KCNH8: variants seen among roughly 807,000 people sequenced by gnomAD.
The protein encoded by KCNH8 is voltage-gated delayed rectifier potassium channel KCNH8.
A neutral mutation model predicts 103.6 loss-of-function variants in KCNH8; 70 were observed. The ratio of observed to expected loss-of-function variants is 0.68; its 90% CI spans 0.56 to 0.82. KCNH8 has a LOEUF of 0.82. Ranked by LOEUF, KCNH8 falls within the 40% of genes least tolerant of loss-of-function variation. The probability of loss-of-function intolerance (pLI) is 0.00; values close to 1 mark genes in which losing one functional copy is unlikely to be tolerated. For synonymous variants in KCNH8, 498 were observed against 489.4 expected (o/e 1.02, Z -0.23); for missense variants, 1,217 against 1,329.9 (o/e 0.92, Z 1.32).
intron 1 of KCNH8, among the ~76,000 whole-genome samples, chr3:19,165,600 A>G (rs112502825): frequency 7.5e-4 from 115 of 152,338 alleles, no homozygotes; most frequent in African/African-American, 2.5e-3. Flanking sequence ...CAAGAGAGGT[A>G]AATTCCTGAG....
At chr3:19,218,856 A>G (rs1427143996) in intron 1 of KCNH8, among the ~76,000 whole-genome samples, 1 of 152,134 alleles carries the variant, frequency 6.6e-6, no homozygotes, top group Non-Finnish European at 1.5e-5. Context: ...GAGTATGTCT[A>G]TCTCTGTGTC....
At chr3:19,496,480 C>A (rs543518232) in intron 11 of KCNH8, among the ~76,000 whole-genome samples, 1 of 151,832 alleles carries the variant, frequency 6.6e-6, no homozygotes, top group African/African-American at 2.4e-5. Context: ...GTTCTCTTTA[C>A]GTGATGAATC....
chr3:19,424,338 C>G (rs2066994273), intron 7 of KCNH8, among the ~76,000 whole-genome samples: 1 of 151,994 alleles, frequency 6.6e-6, no homozygotes. Flanking sequence ...TTCAACAAAG[C>G]AAACAAAAAT....
intron 2 of KCNH8, 93 bp from the exon 3 acceptor site, chr3:19,281,105 C>T: frequency 7.3e-7 from 1 of 1,366,870 alleles, no homozygotes; most frequent in Middle Eastern, 2.0e-4. Context: ...GAAGAAAACA[C>T]TAAGGGCTTT....
At chr3:19,341,262 T>C (rs2065655964) in intron 3 of KCNH8, among the ~76,000 whole-genome samples, 1 of 152,138 alleles carries the variant, frequency 6.6e-6, no homozygotes, top group Non-Finnish European at 1.5e-5. Context: ...TGCCTCTTAG[T>C]GTGCATGCTT....
chr3:19,226,623 G>GCACACACACACACACACACACACA (rs146546353), intron 1 of KCNH8, among the ~76,000 whole-genome samples: 5 of 145,656 alleles, frequency 3.4e-5, no homozygotes, highest in African/African-American at 1.3e-4. Context: ...ACACATGCAT[G>GCACACACACACACACACACACACA]CACACACACA....
chr3:19,250,099 G>A (rs77618553), intron 1 of KCNH8, among the ~76,000 whole-genome samples: 3,007 of 152,078 alleles, frequency 0.02, 89 homozygotes, highest in African/African-American at 0.066. Context: ...AATTTTTAAC[G>A]TATAATCTCT....
chr3:19,148,561 T>G lies in KCNH8; in HGVS notation c.-159T>G. 1 of 691,008 alleles carries G rather than the reference T, an allele frequency of 1.4e-6. No individual in the cohort carries two copies. Among genetic ancestry groups the G allele is most frequent in the Non-Finnish European group, 2.6e-6 (1 of 387,146 alleles). 42.8% of individuals were successfully genotyped at this position (691,008 alleles called of 1,614,324 possible). ...CGGGGCGGCTGGAACTCTCTCCCTT[T>G]CTCCCTCCATCCTTCCACTTCCCCT... On this transcript the variant is annotated 5_prime_UTR_variant, in exon 1 of 16. Coordinates refer to ENST00000328405, the MANE Select transcript of KCNH8 (RefSeq NM_144633.3).
chr3:19,526,578 A>G (rs1444133665), intron 15 of KCNH8, among the ~76,000 whole-genome samples: 1 of 151,934 alleles, frequency 6.6e-6, no homozygotes, highest in Non-Finnish European at 1.5e-5. Context: ...ACACCAAAAA[A>G]CACACAATCT....
intron 5 of KCNH8, among the ~76,000 whole-genome samples, chr3:19,380,119 T>A (rs938793272): frequency 1.3e-5 from 2 of 152,174 alleles, no homozygotes; most frequent in African/African-American, 4.8e-5. Context: ...TTGCTGCCTC[T>A]GGAATATCAC....
chr3:19,441,855 A>G (rs2067289725), intron 8 of KCNH8, among the ~76,000 whole-genome samples: 1 of 152,160 alleles, frequency 6.6e-6, no homozygotes, highest in Non-Finnish European at 1.5e-5. Flanking sequence ...GTGGGTCTTA[A>G]GCAATGGATC....
intron 2 of KCNH8, among the ~76,000 whole-genome samples, chr3:19,279,138 A>G (rs1235348990): frequency 1.3e-5 from 2 of 152,174 alleles, no homozygotes; most frequent in Non-Finnish European, 2.9e-5. Context: ...TCTGATTATT[A>G]GTTTAGCCTG....
chr3:19,411,204 G>A (rs567511178), intron 7 of KCNH8, among the ~76,000 whole-genome samples: 9 of 152,170 alleles, frequency 5.9e-5, no homozygotes, highest in Admixed American at 2.6e-4. Context: ...TGCAAGGTTC[G>A]TTCCGCATGC....
chr3:19,370,830 A>G (rs933371510), intron 5 of KCNH8, among the ~76,000 whole-genome samples: 7 of 150,490 alleles, frequency 4.7e-5, no homozygotes, highest in African/African-American at 7.4e-5. Flanking sequence ...TCATTGTTCA[A>G]TTCCCACCTA....
At chr3:19,416,151 T>G (rs562237880) in intron 7 of KCNH8, among the ~76,000 whole-genome samples, 196 of 152,116 alleles carry the variant, frequency 1.3e-3, no homozygotes, top group Non-Finnish European at 2.2e-3. Context: ...TTATGTGCAT[T>G]GGTCACCACA....
intron 1 of KCNH8, among the ~76,000 whole-genome samples, chr3:19,253,079 C>G (rs1385072846): frequency 6.6e-6 from 1 of 152,102 alleles, no homozygotes; most frequent in African/African-American, 2.4e-5. Flanking sequence ...AGTTGTACTC[C>G]TCACAATTAT....
At chr3:19,394,063 C>G (rs1468333201) in intron 6 of KCNH8, among the ~76,000 whole-genome samples, 2 of 151,918 alleles carry the variant, frequency 1.3e-5, no homozygotes, top group African/African-American at 4.8e-5. Flanking sequence ...CAAAAGCAAA[C>G]TCCCAGTGCT....
intron 1 of KCNH8, among the ~76,000 whole-genome samples, chr3:19,157,826 T>A (rs2063195797): frequency 6.6e-6 from 1 of 151,886 alleles, no homozygotes; most frequent in African/African-American, 2.4e-5. Flanking sequence ...TTTTTTGACA[T>A]CTTTGAGCCA....
At chr3:19,511,828 C>T (rs2068788053) in intron 12 of KCNH8, among the ~76,000 whole-genome samples, 1 of 152,092 alleles carries the variant, frequency 6.6e-6, no homozygotes, top group South Asian at 2.1e-4. Context: ...TTTCACTCAG[C>T]ACCTATGGCC....
Sources: gnomAD v4.1 joint callset for allele counts (sites outside exome capture counted in the v4.1 genomes callset) on GRCh38, gnomAD v4.1.1 for gene constraint, MANE v1.5 for transcripts, NCBI Gene and HGNC (gene_info 2026-07-23, HGNC 2026-07-21) for gene names.